Variants in SAE1 observed in about 807,000 individuals in gnomAD.
SAE1 encodes the protein SUMO1 activating enzyme subunit 1.
SAE1 carries 11 observed loss-of-function variants against 40.6 expected under a neutral mutation model. The observed-to-expected ratio is 0.27, with a 90% CI of 0.17 to 0.45. SAE1 has a LOEUF of 0.45. Ranked by LOEUF, SAE1 falls within the 20% of genes least tolerant of loss-of-function variation. The pLI is 1.00. For missense variants in SAE1, 373 were observed against 427.3 expected (o/e 0.87, Z 1.12); for synonymous variants, 155 against 154.3 (o/e 1.00, Z -0.03).
At chr19:47,150,169 C>T (rs1435964745) in intron 2 of SAE1, 33 bp from the exon 3 acceptor site, 3 of 1,362,464 alleles carry the variant, frequency 2.2e-6, no homozygotes, top group Non-Finnish European at 2.9e-6. Context: ...CCTAAAAATA[C>T]AAGACTTAAA....
intron 1 of SAE1, among the ~76,000 whole-genome samples, chr19:47,135,155 A>G (rs939919106): frequency 6.6e-6 from 1 of 152,150 alleles, no homozygotes; most frequent in African/African-American, 2.4e-5. Flanking sequence ...CACCTTAAGC[A>G]CTTATCCTTT....
intron 1 of SAE1, among the ~76,000 whole-genome samples, chr19:47,135,865 G>A (rs1342682805): frequency 1.3e-5 from 2 of 151,800 alleles, no homozygotes; most frequent in African/African-American, 4.8e-5. Context: ...GTGCAGTGGC[G>A]CAGTCTTGGT....
intron 6 of SAE1, among the ~76,000 whole-genome samples, chr19:47,175,955 A>G (rs1403805251): frequency 1.3e-5 from 2 of 152,208 alleles, no homozygotes; most frequent in Non-Finnish European, 2.9e-5. Context: ...GCATCATAGT[A>G]AAAAGTCTTC....
In SAE1 at chr19:47,143,478, A is replaced by G. The variant is rs530625684; in HGVS notation, c.99-16A>G. 1.9e-6 allele frequency: 3 copies of G among 1,593,098 alleles called. No homozygotes were observed. The South Asian group carries it at 3.3e-5, about 18-fold the overall frequency. On this transcript the variant is annotated splice_polypyrimidine_tract_variant and intron_variant, in intron 1 of 8. Coordinates refer to ENST00000270225, the MANE Select transcript of SAE1 (RefSeq NM_005500.3). Reference sequence around the variant, plus strand: ...CACTGTTCTGTATCATCAGGTTAACAATGTTTGTCTTACAGGCTGCGGGCC... The same window carrying G: ...CACTGTTCTGTATCATCAGGTTAACGATGTTTGTCTTACAGGCTGCGGGCC...
At chr19:47,196,535 TG>T (rs1234424644) in intron 6 of SAE1, among the ~76,000 whole-genome samples, 1 of 150,048 alleles carries the variant, frequency 6.7e-6, no homozygotes, top group African/African-American at 2.5e-5. Flanking sequence ...GGCTAATTTT[TG>T]TATTTTTAGT....
chr19:47,147,494 C>T (rs950118424), intron 2 of SAE1, among the ~76,000 whole-genome samples: 1 of 151,670 alleles, frequency 6.6e-6, no homozygotes, highest in Admixed American at 6.6e-5. Context: ...CACTTGTCGC[C>T]CAGGCCGGAG....
chr19:47,184,572 A>G (rs1304932496), intron 6 of SAE1, among the ~76,000 whole-genome samples: 2 of 151,694 alleles, frequency 1.3e-5, no homozygotes, highest in Non-Finnish European at 2.9e-5. Context: ...CACCATGCCC[A>G]TTTAGTTTTT....
At chr19:47,166,930 CT>C (rs1230507497) in intron 5 of SAE1, among the ~76,000 whole-genome samples, 14 of 152,198 alleles carry the variant, frequency 9.2e-5, no homozygotes, top group Admixed American at 2.0e-4. Flanking sequence ...CTAAACATGA[CT>C]GTTTAATCTT....
chr19:47,205,627 T>C (rs1172542975), intron 8 of SAE1, among the ~76,000 whole-genome samples: 2 of 152,064 alleles, frequency 1.3e-5, no homozygotes, highest in Non-Finnish European at 2.9e-5. Flanking sequence ...GGGAATGTTC[T>C]AAGTGGGGAA....
At chr19:47,177,971 G>A (rs941200571) in intron 6 of SAE1, among the ~76,000 whole-genome samples, 2 of 151,994 alleles carry the variant, frequency 1.3e-5, no homozygotes, top group African/African-American at 2.4e-5. Flanking sequence ...GGCCAGGCGC[G>A]GTGGCTCACG....
chr19:47,151,138 GTT>G (rs369125953), intron 3 of SAE1, among the ~76,000 whole-genome samples: 2 of 144,552 alleles, frequency 1.4e-5, no homozygotes, highest in Non-Finnish European at 1.5e-5. Flanking sequence ...GGGTTGGGTA[GTT>G]TTTTTTTTTT....
At chr19:47,202,034 C>T (rs2058658506) in intron 7 of SAE1, among the ~76,000 whole-genome samples, 1 of 152,138 alleles carries the variant, frequency 6.6e-6, no homozygotes, top group East Asian at 1.9e-4. Flanking sequence ...CTGGCCAGGG[C>T]GTAAGGAGCC....
chr19:47,182,052 T>C (rs551360227), intron 6 of SAE1, among the ~76,000 whole-genome samples: 98 of 152,100 alleles, frequency 6.4e-4, no homozygotes, highest in Non-Finnish European at 1.2e-3. Flanking sequence ...TCCCAAAGCA[T>C]TGGGATAACA....
chr19:47,204,159 A>G (rs971989330), intron 8 of SAE1, among the ~76,000 whole-genome samples: 1 of 108,298 alleles, frequency 9.2e-6, no homozygotes, highest in Non-Finnish European at 1.9e-5. Flanking sequence ...GTTTATCTCT[A>G]TTCATCACCA....
intron 6 of SAE1, among the ~76,000 whole-genome samples, chr19:47,194,673 C>T (rs1600209991): frequency 6.6e-6 from 1 of 151,842 alleles, no homozygotes; most frequent in East Asian, 1.9e-4. Flanking sequence ...ACAAGAATGC[C>T]TGCCCGCCCG....
intron 2 of SAE1, among the ~76,000 whole-genome samples, chr19:47,149,851 G>A (rs2058276670): frequency 6.6e-6 from 1 of 152,088 alleles, no homozygotes; most frequent in Non-Finnish European, 1.5e-5. Context: ...GCTGAGGCAG[G>A]CGGATCACGA....
In SAE1 at chr19:47,132,393, C is replaced by T. The variant is rs568946698; in HGVS notation, c.98+1365C>T. Among the ~76,000 whole-genome samples the T allele has an allele frequency of 6.0e-5, 9 of 151,042 alleles. No homozygotes were observed. In the South Asian group the frequency reaches 1.5e-3, roughly 25 times the overall value. On this transcript the variant is annotated intron_variant, in intron 1 of 8. Coordinates refer to ENST00000270225, the MANE Select transcript of SAE1 (RefSeq NM_005500.3). Reference sequence around the variant, plus strand: ...CCTCCCAAGTAGCTGGGACTACAGGCGTGCCCCACCACATCATCCGACTAA... The same window carrying T: ...CCTCCCAAGTAGCTGGGACTACAGGTGTGCCCCACCACATCATCCGACTAA...
intron 6 of SAE1, among the ~76,000 whole-genome samples, chr19:47,190,783 T>G (rs1156446323): frequency 1.3e-5 from 2 of 152,212 alleles, no homozygotes; most frequent in African/African-American, 4.8e-5. Flanking sequence ...CTCTCAAGAT[T>G]GATGGGCAAA....
intron 1 of SAE1, 195 bp downstream of exon 1, chr19:47,131,223 G>A (rs150682076): frequency 7.5e-7 from 1 of 1,341,224 alleles, no homozygotes; most frequent in Non-Finnish European, 9.6e-7. Flanking sequence ...GAAGTGGTTG[G>A]GAGGGCCGTT....
Sources: allele counts gnomAD v4.1 joint callset (sites outside exome capture counted in the v4.1 genomes callset), GRCh38; gene constraint gnomAD v4.1.1; transcripts MANE v1.5; gene names NCBI Gene and HGNC (gene_info 2026-07-23, HGNC 2026-07-21).